Variants in CPEB1 observed in about 807,000 individuals in gnomAD.
CPEB1 encodes cytoplasmic polyadenylation element-binding protein 1.
CPEB1 carries 7 observed loss-of-function variants against 65.8 expected under a neutral mutation model. The observed-to-expected ratio is 0.11, with a 90% CI of 0.06 to 0.20. CPEB1 has a LOEUF of 0.20. Ranked by LOEUF, CPEB1 falls within the 10% of genes least tolerant of loss-of-function variation. CPEB1 has a pLI of 1.00. For synonymous variants in CPEB1, 262 were observed against 260.0 expected, an observed-to-expected ratio of 1.01 and a Z score of -0.08; for missense variants, 551 against 712.2, an observed-to-expected ratio of 0.77 and a Z score of 2.58.
At chr15:82,557,620 A>T in intron 5 of CPEB1, 140 bp downstream of exon 5, 3 of 689,640 alleles carry the variant, frequency 4.4e-6, no homozygotes, top group South Asian at 3.7e-5. Context: ...TGTCCACAAT[A>T]ATCTCCACTC....
intron 3 of CPEB1, among the ~76,000 whole-genome samples, chr15:82,576,392 G>C (rs922758600): frequency 2.0e-5 from 3 of 152,140 alleles, no homozygotes; most frequent in Non-Finnish European, 4.4e-5. Context: ...AGTCAGAATG[G>C]ATCTAATGAC....
In CPEB1 at chr15:82,554,926, GA is replaced by G. The variant is rs1193794228; in HGVS notation, c.941-936del. On this transcript the variant is annotated intron_variant, in intron 6 of 12. Transcript: ENST00000684509. The stretch of plus-strand genomic sequence containing the variant: ...TTCACAGGAAAACAATGGCACCAGA[GA>G]AAGTACAAAGATGGGTTGCCAAAAT... Among the ~76,000 whole-genome samples the G allele has an allele frequency of 2.0e-5, 3 of 152,218 alleles. No individual in the cohort carries two copies. The East Asian group carries it at 5.8e-4, about 29-fold the overall frequency.
intron 1 of CPEB1, chr15:82,629,799 T>C: frequency 1.0e-6 from 1 of 985,416 alleles, no homozygotes; most frequent in Non-Finnish European, 1.2e-6. Context: ...TTGTTTGGCC[T>C]ACTAAAATCC....
At chr15:82,551,699 G>A (rs1220205407) in intron 9 of CPEB1, among the ~76,000 whole-genome samples, 1 of 152,156 alleles carries the variant, frequency 6.6e-6, no homozygotes, top group African/African-American at 2.4e-5. Flanking sequence ...AAAGTTGTGT[G>A]CTCTCAAATC....
At position 82,632,250 on chromosome 15, in the gene CPEB1, G is replaced by A. The variant is rs372120395; in HGVS notation, c.-97-3694C>T. ...GCCCACCTTGGCCTCCCAAAGTGCTGGGATTACAGGCGTGAGCCACTGCGC... is the reference window on the plus strand; with the variant it reads ...GCCCACCTTGGCCTCCCAAAGTGCTAGGATTACAGGCGTGAGCCACTGCGC... On this transcript the variant is annotated intron_variant, in intron 1 of 12. Coordinates refer to ENST00000684509, the MANE Select transcript of CPEB1 (RefSeq NM_001365242.1). 1.6e-3 allele frequency among the ~76,000 whole-genome samples: 248 copies of A among 152,110 alleles called. 1 individual carries two copies. The highest frequency in any genetic ancestry group is 5.7e-3 in the African/African-American group (237 of 41,508).
At chr15:82,574,512 G>T (rs1444922353) in intron 3 of CPEB1, among the ~76,000 whole-genome samples, 3 of 151,998 alleles carry the variant, frequency 2.0e-5, no homozygotes, top group Non-Finnish European at 2.9e-5. Flanking sequence ...GAGGTCAGGA[G>T]CTCAAGACCA....
chr15:82,635,337 T>C (rs1330158079), intron 1 of CPEB1, among the ~76,000 whole-genome samples: 1 of 152,236 alleles, frequency 6.6e-6, no homozygotes, highest in East Asian at 1.9e-4. Context: ...ATTTTCCTTA[T>C]GGAAGAATGT....
At chr15:82,626,453 G>C (rs2045785093) in intron 3 of CPEB1, among the ~76,000 whole-genome samples, 1 of 151,220 alleles carries the variant, frequency 6.6e-6, no homozygotes, top group South Asian at 2.1e-4. Context: ...AAGAAAGAAA[G>C]AAAAAGAAAA....
chr15:82,630,882 C>T lies in CPEB1; in HGVS notation c.-97-2326G>A, dbSNP rs532355999. Reference sequence around the variant, plus strand: ...AAGGAGTCAGCATTGTCTTTCAATACACAAAATTGTGTCTTTTCAATACAC... The same window carrying T: ...AAGGAGTCAGCATTGTCTTTCAATATACAAAATTGTGTCTTTTCAATACAC... On this transcript the variant is annotated intron_variant, in intron 1 of 12. Coordinates refer to ENST00000684509, the MANE Select transcript of CPEB1 (RefSeq NM_001365242.1). 1.9e-3 allele frequency among the ~76,000 whole-genome samples: 287 copies of T among 152,232 alleles called. 3 individuals are homozygous for T. Among genetic ancestry groups the T allele is most frequent in the Non-Finnish European group, 3.0e-3 (203 of 68,006 alleles).
At chr15:82,573,343 T>A in intron 3 of CPEB1, 2 of 617,204 alleles carry the variant, frequency 3.2e-6, no homozygotes, top group Non-Finnish European at 5.3e-6. Flanking sequence ...GCCTTGTTCA[T>A]CATGGCAAAG....
At chr15:82,635,532 A>T (rs569936311) in intron 1 of CPEB1, among the ~76,000 whole-genome samples, 1 of 152,348 alleles carries the variant, frequency 6.6e-6, no homozygotes, top group South Asian at 2.1e-4. Context: ...AGGTTGGTCC[A>T]TATGAAATTG....
At chr15:82,631,958 C>A (rs556991324) in intron 1 of CPEB1, among the ~76,000 whole-genome samples, 7 of 149,130 alleles carry the variant, frequency 4.7e-5, no homozygotes, top group Admixed American at 4.7e-4. Flanking sequence ...CAAGTCTAAA[C>A]ACAGAATTCA....
chr15:82,615,584 A>G (rs1255034131), intron 3 of CPEB1, among the ~76,000 whole-genome samples: 1 of 152,212 alleles, frequency 6.6e-6, no homozygotes, highest in African/African-American at 2.4e-5. Context: ...GGTTGATGCC[A>G]GATCATATAT....
chr15:82,573,763 C>T (rs977133163), intron 3 of CPEB1, among the ~76,000 whole-genome samples: 5 of 152,014 alleles, frequency 3.3e-5, no homozygotes, highest in African/African-American at 4.8e-5. Context: ...CACCCAAGAC[C>T]GACAGAATTG....
chr15:82,597,276 T>C (rs1270601548), intron 3 of CPEB1, among the ~76,000 whole-genome samples: 1 of 152,158 alleles, frequency 6.6e-6, no homozygotes, highest in Non-Finnish European at 1.5e-5. Context: ...CAATGAGCAG[T>C]GATCAAAATG....
chr15:82,545,193 ATC>A (rs2034952521), intron 12 of CPEB1, among the ~76,000 whole-genome samples: 1 of 152,178 alleles, frequency 6.6e-6, no homozygotes, highest in Non-Finnish European at 1.5e-5. Context: ...CAAGCCACTA[ATC>A]TCTGAGCAAT....
intron 1 of CPEB1, among the ~76,000 whole-genome samples, chr15:82,632,994 T>C (rs2046383782): frequency 6.6e-6 from 1 of 152,222 alleles, no homozygotes; most frequent in Admixed American, 6.5e-5. Context: ...TTTACCATGA[T>C]AAAAAATGTT....
chr15:82,602,736 CT>C (rs1448571426), intron 3 of CPEB1, among the ~76,000 whole-genome samples: 1 of 152,122 alleles, frequency 6.6e-6, no homozygotes, highest in Non-Finnish European at 1.5e-5. Context: ...ATCCCAGCTA[CT>C]CAGGAGGCTG....
At chr15:82,585,980 G>A (rs1409695560) in intron 3 of CPEB1, among the ~76,000 whole-genome samples, 1 of 151,628 alleles carries the variant, frequency 6.6e-6, no homozygotes, top group East Asian at 1.9e-4. Flanking sequence ...AAAAAAAAAA[G>A]TTACAGCTCT....
Sources: allele counts gnomAD v4.1 joint callset (sites outside exome capture counted in the v4.1 genomes callset), GRCh38; gene constraint gnomAD v4.1.1; transcripts MANE v1.5; gene names NCBI Gene and HGNC (gene_info 2026-07-23, HGNC 2026-07-21).